Variants in CDK5RAP3 observed in about 807,000 individuals in gnomAD.
The protein encoded by CDK5RAP3 is CDK5 regulatory subunit associated protein 3.
CDK5RAP3 carries 58 observed loss-of-function variants against 73.3 expected under a neutral mutation model. The ratio of observed to expected loss-of-function variants is 0.79; its 90% CI spans 0.64 to 0.98. The LOEUF (loss-of-function observed/expected upper bound fraction) is 0.98. Ranked by LOEUF, CDK5RAP3 falls within the 50% of genes least tolerant of loss-of-function variation. CDK5RAP3 has a pLI of 0.00. For missense variants in CDK5RAP3, 525 were observed against 615.8 expected (o/e 0.85, Z 1.56); for synonymous variants, 224 against 247.5 (o/e 0.91, Z 0.89).
In CDK5RAP3 at chr17:47,971,392, A is replaced by T; in HGVS notation, c.37A>T (p.Thr13Ser). Residue 13 changes from threonine to serine, a missense_variant, in exon 2 of 14, where the codon ACC becomes TCC. Physicochemically the swap from Thr to Ser is moderately conservative, Grantham distance 58. Transcript: ENST00000338399. ...DHQHVPIDIQ[T>S]SKLLDWLVDR... The stretch of plus-strand genomic sequence containing the variant: ...TCAGCACGTGCCCATCGACATCCAG[A>T]CCAGCAAGCTGCTCGGTAGGAGGGG... The T allele has an allele frequency of 6.2e-7, 1 of 1,609,126 alleles. No homozygotes were observed.
chr17:47,969,699 A>T (rs1299347661), upstream of CDK5RAP3, among the ~76,000 whole-genome samples: 1 of 151,184 alleles, frequency 6.6e-6, no homozygotes, highest in African/African-American at 2.4e-5. Context: ...TTCAGCCACC[A>T]CTCGGACCAC....
intron 2 of CDK5RAP3, among the ~76,000 whole-genome samples, chr17:47,972,612 G>A (rs979220882): frequency 1.3e-5 from 2 of 151,830 alleles, no homozygotes; most frequent in African/African-American, 4.8e-5. Context: ...CAGTCTTGGT[G>A]TGTGAGCTTG....
At chr17:47,968,017 C>T (rs1434194785), upstream of CDK5RAP3, 1 of 152,280 alleles carries the variant, frequency 6.6e-6, no homozygotes, top group Non-Finnish European at 1.5e-5. Context: ...CTTCCAGACC[C>T]ACCCTGTCCT....
chr17:47,978,852 C>T lies in CDK5RAP3; in HGVS notation c.1012C>T (p.Pro338Ser), dbSNP rs1237095641. ...AGCTCCAGAAGGTGTTGCCAGGGGC[C>T]CAGATGCCCTGACACTGCTTGAATA... ...TQAPEGVARG[P>S]DALTLLEYTE... Residue 338 changes from proline to serine, a missense_variant, in exon 11 of 14, where the codon CCA (proline) becomes TCA (serine). This residue lies in a region of CDK5RAP3 where 409 missense variants were observed against 429.8 expected (regional missense o/e 0.95). Coordinates refer to ENST00000338399, the MANE Select transcript of CDK5RAP3 (RefSeq NM_176096.3). 6.2e-7 allele frequency: 1 copy of T among 1,613,856 alleles called. No individual in the cohort carries two copies. The highest frequency in any genetic ancestry group is 1.7e-5 in the Admixed American group (1 of 59,998).
In CDK5RAP3 at chr17:47,981,507, C is replaced by T. The variant is rs746105033; in HGVS notation, c.*5C>T. 4 of 1,614,232 alleles carry T rather than the reference C, an allele frequency of 2.5e-6. No individual in the cohort carries two copies. The highest frequency in any genetic ancestry group is 3.4e-6 in the Non-Finnish European group (4 of 1,180,044). Reference sequence around the variant, plus strand: ...CTGATGGGAACCTCTCTGTGACACCCTCCGTGTTCTTGCCTGCCCATCTTC... The same window carrying T: ...CTGATGGGAACCTCTCTGTGACACCTTCCGTGTTCTTGCCTGCCCATCTTC... On this transcript the variant is annotated 3_prime_UTR_variant, in exon 14 of 14. Transcript: ENST00000338399.
At chr17:47,977,966 C>T (rs140485104) in intron 10 of CDK5RAP3, 56 bp downstream of exon 10, 7 of 1,375,626 alleles carry the variant, frequency 5.1e-6, no homozygotes, top group African/African-American at 1.4e-5. Context: ...AGGGCCCCCA[C>T]GTGTCTAGAA....
At chr17:47,980,858 C>T in intron 12 of CDK5RAP3, 60 bp downstream of exon 12, 1 of 1,524,646 alleles carries the variant, frequency 6.6e-7, no homozygotes, top group Non-Finnish European at 9.1e-7. Flanking sequence ...TCCTTGTATT[C>T]CTCCTCTTGT....
At chr17:47,981,080 C>G (rs990056429) in intron 12 of CDK5RAP3, 83 bp from the exon 13 acceptor site, 7 of 1,468,052 alleles carry the variant, frequency 4.8e-6, no homozygotes, top group Non-Finnish European at 6.5e-6. Flanking sequence ...TTTGGTTTCC[C>G]GAGCCTCTCA....
chr17:47,970,932 C>A, upstream of CDK5RAP3: 1 of 1,450,942 alleles, frequency 6.9e-7, no homozygotes, highest in Non-Finnish European at 9.0e-7. Context: ...TGTCTCCATT[C>A]TCCCGCCCCT....
intron 2 of CDK5RAP3, among the ~76,000 whole-genome samples, chr17:47,971,903 G>A (rs1017605189): frequency 1.3e-5 from 2 of 152,170 alleles, no homozygotes; most frequent in Non-Finnish European, 2.9e-5. Flanking sequence ...GCTGAGGTGG[G>A]AGAATTGCTT....
At chr17:47,974,931 T>C (rs2036362430) in intron 5 of CDK5RAP3, 5 of 1,409,956 alleles carry the variant, frequency 3.5e-6, no homozygotes, top group East Asian at 2.7e-5. Context: ...TGGTGTGTCA[T>C]GTGGATTCTC....
rs187389974 is a variant in CDK5RAP3 at position 47,975,054 on chromosome 17, A to G, written c.335-105A>G. ...CAGCTGGGAACAAGTGGGGCTGGGAAGCTGACTTCGTGCTCTTCACCACCA... is the reference window on the plus strand; with the variant it reads ...CAGCTGGGAACAAGTGGGGCTGGGAGGCTGACTTCGTGCTCTTCACCACCA... On this transcript the variant is annotated intron_variant, in intron 5 of 13. Transcript: ENST00000338399. The G allele has an allele frequency of 5.7e-5, 91 of 1,608,574 alleles. 1 individual carries two copies. The African/African-American group carries it at 8.0e-4, about 14-fold the overall frequency.
intron 2 of CDK5RAP3, among the ~76,000 whole-genome samples, chr17:47,972,104 A>AC (rs1169263867): frequency 1.3e-5 from 2 of 151,314 alleles, no homozygotes; most frequent in African/African-American, 2.4e-5. Flanking sequence ...AAAAAAAAAA[A>AC]AAACCTCATT....
intron 4 of CDK5RAP3, 62 bp from the exon 5 acceptor site, chr17:47,974,338 G>A: frequency 7.3e-7 from 1 of 1,375,694 alleles, no homozygotes; most frequent in Non-Finnish European, 1.0e-6. Flanking sequence ...TTTAGGGATT[G>A]AGCTGGGATG....
chr17:47,974,463 C>G lies in CDK5RAP3; in HGVS notation c.334+15C>G, dbSNP rs777621234. 1 of 1,614,154 alleles carries G rather than the reference C, an allele frequency of 6.2e-7. No individual in the cohort carries two copies. Among genetic ancestry groups the G allele is most frequent in the East Asian group, 2.2e-5 (1 of 44,888 alleles). On this transcript the variant is annotated intron_variant, in intron 5 of 13. Coordinates refer to ENST00000338399, the MANE Select transcript of CDK5RAP3 (RefSeq NM_176096.3). Reference sequence around the variant, plus strand: ...CACCTACTTAGGTAAAGTGGCCCGGCCTGGGAGCCCTGGTATCCATGGGGA... The same window carrying G: ...CACCTACTTAGGTAAAGTGGCCCGGGCTGGGAGCCCTGGTATCCATGGGGA...
rs758964348 is a variant in CDK5RAP3, at chr17:47,975,981, G to C, written c.766G>C (p.Glu256Gln). ...CTCTGTGGTGGAACGACCCCACCTC[G>C]AGGAGCTTCCTGAGCAGGTGGCAGA... Reference protein sequence around the residue: ...EPSVVERPHLEELPEQVAEDA... With the variant: ...EPSVVERPHLQELPEQVAEDA... The change falls in exon 8 of 14, where the codon GAG becomes CAG. Residue 256 changes from glutamate to glutamine, a missense_variant. Coordinates refer to ENST00000338399, the MANE Select transcript of CDK5RAP3 (RefSeq NM_176096.3). 4 of 1,614,140 alleles carry C rather than the reference G, an allele frequency of 2.5e-6. No homozygotes were observed. Among genetic ancestry groups the C allele is most frequent in the Admixed American group, 3.3e-5 (2 of 60,022 alleles).
chr17:47,976,494 G>A lies in CDK5RAP3; in HGVS notation c.799-218G>A, dbSNP rs1468419511. 2.2e-5 allele frequency: 10 copies of A among 448,924 alleles called. No individual in the cohort carries two copies. In the East Asian group the frequency reaches 4.7e-4, roughly 21 times the overall value. The allele number at this position is 448,924 out of a possible 1,614,324, so 27.8% of individuals were successfully genotyped here. ...CCCAAGTCAGCCTCCAAGATAGCTG[G>A]GATTACAGGTTTGCACCACCACTCC... On this transcript the variant is annotated intron_variant, in intron 8 of 13. Coordinates refer to ENST00000338399, the MANE Select transcript of CDK5RAP3 (RefSeq NM_176096.3).
chr17:47,970,473 C>T (rs2036235483), upstream of CDK5RAP3: 2 of 605,494 alleles, frequency 3.3e-6, no homozygotes, highest in Non-Finnish European at 5.9e-6. Flanking sequence ...TGTGTAGTCT[C>T]CTCCACCTAA....
intron 8 of CDK5RAP3, 27 bp downstream of exon 8, chr17:47,976,040 A>G (rs1236240545): frequency 2.5e-6 from 4 of 1,607,410 alleles, no homozygotes; most frequent in Non-Finnish European, 3.4e-6. Flanking sequence ...GATGAGCTGT[A>G]GGAGTGGAGT....
Sources: gnomAD v4.1 joint callset for allele counts (sites outside exome capture counted in the v4.1 genomes callset) on GRCh38, gnomAD v4.1.1 for gene constraint, gnomAD v4.1.1 regional missense constraint, MANE v1.5 for transcripts, NCBI Gene and HGNC (gene_info 2026-07-23, HGNC 2026-07-21) for gene names.